Variants in IMMP2L observed in about 807,000 individuals in gnomAD.
The protein encoded by IMMP2L is mitochondrial inner membrane protease subunit 2.
IMMP2L carries 18 observed loss-of-function variants against 19.3 expected under a neutral mutation model. That is an observed-to-expected ratio of 0.93 (90% CI 0.64 to 1.38). IMMP2L has a LOEUF of 1.38. Ranked by LOEUF, IMMP2L falls within the 40% of genes most tolerant of loss-of-function variation. IMMP2L has a pLI of 0.00. For synonymous variants in IMMP2L, 76 were observed against 73.0 expected (o/e 1.04, Z -0.21); for missense variants, 233 against 218.2 (o/e 1.07, Z -0.43).
At chr7:111,041,535 T>C (rs1585909414) in intron 3 of IMMP2L, among the ~76,000 whole-genome samples, 2 of 151,652 alleles carry the variant, frequency 1.3e-5, no homozygotes, top group South Asian at 4.2e-4. Context: ...TTTGATATTC[T>C]GTCTTTCCTT....
Position 111,029,134 on chromosome 7 carries a change from T to C in IMMP2L, c.240-65569A>G, listed in dbSNP as rs186118746. Among the ~76,000 whole-genome samples, 464 of 152,272 alleles carry C rather than the reference T, an allele frequency of 3.0e-3. 2 individuals are homozygous for C. Among genetic ancestry groups the C allele is most frequent in the African/African-American group, 0.01 (416 of 41,572 alleles). ...GCTGTCATGATAAAATAGTCACTTA[T>C]TGCTTGAGTTCTCAATAGATTTAAA... On this transcript the variant is annotated intron_variant, in intron 3 of 5. Transcript: ENST00000405709.
chr7:111,110,603 TA>T (rs1399400025), intron 3 of IMMP2L, among the ~76,000 whole-genome samples: 6 of 152,172 alleles, frequency 3.9e-5, no homozygotes, highest in Admixed American at 6.5e-5. Flanking sequence ...GAAGAATATA[TA>T]TAAAAACATA....
intron 3 of IMMP2L, among the ~76,000 whole-genome samples, chr7:111,049,827 G>A (rs1449967121): frequency 2.6e-5 from 4 of 152,176 alleles, no homozygotes; most frequent in African/African-American, 9.7e-5. Flanking sequence ...GCCATAAAGG[G>A]ACTGAAGACA....
chr7:110,813,650 G>A (rs1802211261), intron 5 of IMMP2L, among the ~76,000 whole-genome samples: 1 of 151,726 alleles, frequency 6.6e-6, no homozygotes, highest in Non-Finnish European at 1.5e-5. Flanking sequence ...GGCTACCAGA[G>A]GGAATGGTGG....
chr7:111,073,319 C>G (rs1014270), intron 3 of IMMP2L, among the ~76,000 whole-genome samples: 144,084 of 152,266 alleles, frequency 0.95, 68,303 homozygotes, highest in East Asian at 0.99. Flanking sequence ...GTGGGTGTGA[C>G]AGACAGAGAA....
At chr7:111,180,131 A>G (rs995723134) in intron 3 of IMMP2L, among the ~76,000 whole-genome samples, 1 of 152,026 alleles carries the variant, frequency 6.6e-6, no homozygotes, top group African/African-American at 2.4e-5. Context: ...AGCACTTTTA[A>G]TTTCCTTCAA....
At chr7:110,742,044 T>G (rs973718949) in intron 5 of IMMP2L, among the ~76,000 whole-genome samples, 1 of 152,226 alleles carries the variant, frequency 6.6e-6, no homozygotes, top group African/African-American at 2.4e-5. Context: ...TGGACTAATA[T>G]TGAGTAATGG....
intron 3 of IMMP2L, among the ~76,000 whole-genome samples, chr7:111,482,345 T>G (rs1236275005): frequency 6.6e-6 from 1 of 152,158 alleles, no homozygotes; most frequent in African/African-American, 2.4e-5. Flanking sequence ...GCACAATGCT[T>G]ACTTACAGGC....
intron 3 of IMMP2L, among the ~76,000 whole-genome samples, chr7:111,043,859 C>A (rs1355063365): frequency 1.3e-5 from 2 of 152,152 alleles, no homozygotes; most frequent in Admixed American, 1.3e-4. Flanking sequence ...AAATAGAGAT[C>A]ATCACTTGAC....
At chr7:111,444,471 T>C (rs930150267) in intron 3 of IMMP2L, among the ~76,000 whole-genome samples, 1 of 152,158 alleles carries the variant, frequency 6.6e-6, no homozygotes, top group Non-Finnish European at 1.5e-5. Flanking sequence ...TAAGTGCCTC[T>C]AGGGGTACAA....
At chr7:111,444,799 T>C (rs1306096118) in intron 3 of IMMP2L, among the ~76,000 whole-genome samples, 1 of 152,086 alleles carries the variant, frequency 6.6e-6, no homozygotes, top group East Asian at 1.9e-4. Context: ...AGAAACTATA[T>C]GGCATAATGC....
chr7:111,127,456 T>C (rs1325519078), intron 3 of IMMP2L, among the ~76,000 whole-genome samples: 4 of 152,178 alleles, frequency 2.6e-5, no homozygotes, highest in African/African-American at 9.7e-5. Context: ...TGAATAGACA[T>C]CTAGTAGTGA....
At chr7:111,133,770 G>A (rs148238472) in intron 3 of IMMP2L, among the ~76,000 whole-genome samples, 248 of 151,892 alleles carry the variant, frequency 1.6e-3, no homozygotes, top group African/African-American at 4.9e-3. Context: ...AAAGAAAATA[G>A]ACATAGGCAC....
intron 3 of IMMP2L, among the ~76,000 whole-genome samples, chr7:111,158,317 A>C (rs2129605545): frequency 6.6e-6 from 1 of 152,240 alleles, no homozygotes; most frequent in Non-Finnish European, 1.5e-5. Context: ...GAGAATCATC[A>C]AAGACTGTTG....
At chr7:111,049,118 CTTTTTTTTTTTTTTTTTCT>C (rs1308576874) in intron 3 of IMMP2L, among the ~76,000 whole-genome samples, 2 of 28,104 alleles carry the variant, frequency 7.1e-5, no homozygotes, top group South Asian at 2.3e-3. Context: ...TATGATACTT[CTTTTTTTTTTTTTTTTTCT>C]TTTTTTTTTT....
At chr7:111,215,343 C>T (rs1180932774) in intron 3 of IMMP2L, among the ~76,000 whole-genome samples, 1 of 152,122 alleles carries the variant, frequency 6.6e-6, no homozygotes, top group Non-Finnish European at 1.5e-5. Flanking sequence ...CAGTATTACA[C>T]TCGAATCTGA....
At chr7:110,696,301 A>G (rs1793869239) in intron 5 of IMMP2L, among the ~76,000 whole-genome samples, 1 of 152,130 alleles carries the variant, frequency 6.6e-6, no homozygotes, top group Admixed American at 6.6e-5. Flanking sequence ...TTGCTTTGGG[A>G]AAATTATTCT....
intron 3 of IMMP2L, among the ~76,000 whole-genome samples, chr7:110,990,097 A>T (rs1822295058): frequency 6.6e-6 from 1 of 152,214 alleles, no homozygotes; most frequent in African/African-American, 2.4e-5. Flanking sequence ...ATAAGGATGT[A>T]TAAATCAATG....
intron 5 of IMMP2L, among the ~76,000 whole-genome samples, chr7:110,807,235 T>C (rs1801693818): frequency 6.6e-6 from 1 of 152,036 alleles, no homozygotes; most frequent in Non-Finnish European, 1.5e-5. Flanking sequence ...CTAGTCCCTA[T>C]GGAGTCTACC....
Sources: gnomAD v4.1 joint callset for allele counts (sites outside exome capture counted in the v4.1 genomes callset) on GRCh38, gnomAD v4.1.1 for gene constraint, MANE v1.5 for transcripts, NCBI Gene and HGNC (gene_info 2026-07-23, HGNC 2026-07-21) for gene names.